Variants in POLD3 observed in about 807,000 individuals in gnomAD.
The protein encoded by POLD3 is DNA polymerase delta subunit 3.
Under a neutral mutation model 58.2 loss-of-function variants are expected in POLD3, and 19 were observed. That is an observed-to-expected ratio of 0.33 (90% CI 0.23 to 0.48). The LOEUF (loss-of-function observed/expected upper bound fraction) is 0.48. POLD3 is among the 20% of genes least tolerant of loss of function. POLD3 has a pLI of 0.99. For missense variants in POLD3, 504 were observed against 545.5 expected, an observed-to-expected ratio of 0.92 and a Z score of 0.76; for synonymous variants, 172 against 193.5, an observed-to-expected ratio of 0.89 and a Z score of 0.92.
intron 7 of POLD3, among the ~76,000 whole-genome samples, chr11:74,621,156 T>G (rs10899016): frequency 0.86 from 130,428 of 152,110 alleles, 56,436 homozygotes; most frequent in African/African-American, 0.97. Flanking sequence ...CAACCCACAG[T>G]CCACTGATGG....
chr11:74,642,605 C>T lies in POLD3; in HGVS notation c.*1839C>T, dbSNP rs1464470533. 1.0e-6 allele frequency: 1 copy of T among 984,858 alleles called. No homozygotes were observed. Among genetic ancestry groups the T allele is most frequent in the East Asian group, 1.1e-4 (1 of 8,814 alleles). 61.0% of individuals were successfully genotyped at this position (984,858 alleles called of 1,614,324 possible). ...TCCTATGATCTCTATGCCCAATATG[C>T]TGCCTCAACTCTGAGCTGTCTGCAA... On this transcript the variant is annotated 3_prime_UTR_variant, in exon 12 of 12. Transcript: ENST00000263681.
At chr11:74,639,464 T>G (rs754112054) in intron 11 of POLD3, among the ~76,000 whole-genome samples, 10 of 152,254 alleles carry the variant, frequency 6.6e-5, no homozygotes, top group Non-Finnish European at 1.2e-4. Context: ...ATTATGCATA[T>G]TAGGTTACGC....
downstream of POLD3, among the ~76,000 whole-genome samples, chr11:74,647,644 G>A (rs987045191): frequency 1.3e-5 from 2 of 152,186 alleles, no homozygotes; most frequent in African/African-American, 2.4e-5. Context: ...AACAACTATG[G>A]TGGCTACTGT....
At chr11:74,631,377 A>C (rs532791127) in intron 9 of POLD3, among the ~76,000 whole-genome samples, 3 of 152,090 alleles carry the variant, frequency 2.0e-5, no homozygotes, top group East Asian at 3.9e-4. Context: ...GGGGATTTTT[A>C]TCACAGATGG....
intron 9 of POLD3, among the ~76,000 whole-genome samples, chr11:74,631,111 G>A (rs1316628012): frequency 6.6e-6 from 1 of 152,160 alleles, no homozygotes; most frequent in Non-Finnish European, 1.5e-5. Context: ...TTGTATCAAA[G>A]CCAGTGGGAT....
chr11:74,607,083 CTTAAAGG>C, intron 3 of POLD3, among the ~76,000 whole-genome samples: 1 of 152,026 alleles, frequency 6.6e-6, no homozygotes, highest in East Asian at 1.9e-4. Flanking sequence ...CCTTTTTTCC[CTTAAAGG>C]GAATCCTCCT....
At chr11:74,609,538 G>A (rs966203380) in intron 3 of POLD3, among the ~76,000 whole-genome samples, 5 of 150,476 alleles carry the variant, frequency 3.3e-5, no homozygotes, top group African/African-American at 9.8e-5. Flanking sequence ...CCACCGCCAC[G>A]CCCTGCTAAT....
chr11:74,615,054 G>C (rs543869663), intron 5 of POLD3, among the ~76,000 whole-genome samples: 7 of 152,294 alleles, frequency 4.6e-5, no homozygotes, highest in African/African-American at 1.7e-4. Flanking sequence ...AGTAGATAGA[G>C]TTATCAGAGA....
chr11:74,611,315 AT>A (rs924210896), intron 3 of POLD3, among the ~76,000 whole-genome samples, 183 bp from the exon 4 acceptor site: 5 of 151,906 alleles, frequency 3.3e-5, no homozygotes, highest in African/African-American at 9.7e-5. Flanking sequence ...GCAAATTATT[AT>A]TTTTTTTCCT....
intron 2 of POLD3, among the ~76,000 whole-genome samples, chr11:74,598,332 A>G (rs1467026309): frequency 1.3e-5 from 2 of 152,048 alleles, no homozygotes; most frequent in African/African-American, 2.4e-5. Context: ...TTTATAATTC[A>G]TATTATTGTC....
intron 4 of POLD3, among the ~76,000 whole-genome samples, chr11:74,665,537 A>G (rs2033258398): frequency 6.6e-6 from 1 of 151,410 alleles, no homozygotes; most frequent in Admixed American, 6.6e-5. Context: ...AGTAGCTGCA[A>G]TTACAGGCAT....
intron 11 of POLD3, among the ~76,000 whole-genome samples, chr11:74,638,996 A>G (rs909937403): frequency 4.6e-5 from 7 of 152,238 alleles, no homozygotes; most frequent in African/African-American, 1.7e-4. Context: ...CTCTCTGGGA[A>G]GGGATTGTTG....
At chr11:74,630,644 G>A (rs966880033) in intron 9 of POLD3, among the ~76,000 whole-genome samples, 2 of 152,172 alleles carry the variant, frequency 1.3e-5, no homozygotes, top group Non-Finnish European at 2.9e-5. Context: ...CTGCTGAAAG[G>A]AACAACTCCA....
intron 4 of POLD3, among the ~76,000 whole-genome samples, chr11:74,668,105 T>A (rs1026784738): frequency 2.0e-5 from 3 of 152,246 alleles, no homozygotes; most frequent in Non-Finnish European, 4.4e-5. Context: ...TGGATAAATT[T>A]GGAACCTTCA....
exon 5 of POLD3, chr11:74,669,027 G>T (rs1231525537): frequency 3.0e-6 from 1 of 338,030 alleles, no homozygotes; most frequent in Non-Finnish European, 5.7e-6. Flanking sequence ...GAGAGCCTGG[G>T]TATTCAAATG....
intron 7 of POLD3, among the ~76,000 whole-genome samples, chr11:74,623,773 A>G (rs1453400452): frequency 6.6e-6 from 1 of 152,242 alleles, no homozygotes; most frequent in Non-Finnish European, 1.5e-5. Flanking sequence ...CAGCTAGAAG[A>G]TAGGTGACTT....
chr11:74,614,343 T>C (rs7120069), intron 5 of POLD3, among the ~76,000 whole-genome samples: 130,504 of 152,226 alleles, frequency 0.86, 56,461 homozygotes, highest in African/African-American at 0.97. Context: ...CAGGTGGATA[T>C]GACAGTTTTC....
At position 74,592,626 on chromosome 11, in the gene POLD3, G is replaced by C. The variant is rs762325658; in HGVS notation, c.-33G>C. The C allele has an allele frequency of 1.9e-6, 3 of 1,612,510 alleles. No homozygotes were observed. The highest frequency in any genetic ancestry group is 2.5e-6 in the Non-Finnish European group (3 of 1,179,298). ...GGGAGCTGTGGCTGTGATTGAGAGA[G>C]GGGTTAGAGGCGGGTCCCAGCGCTG... On this transcript the variant is annotated 5_prime_UTR_variant, in exon 1 of 12. Coordinates refer to ENST00000263681, the MANE Select transcript of POLD3 (RefSeq NM_006591.3).
intron 3 of POLD3, 51 bp from the exon 4 acceptor site, chr11:74,611,447 TA>T: frequency 8.8e-7 from 1 of 1,133,922 alleles, no homozygotes; most frequent in Admixed American, 1.8e-5. Context: ...GCAAGGAAAC[TA>T]AAATTGCAGA....
Sources: allele counts gnomAD v4.1 joint callset (sites outside exome capture counted in the v4.1 genomes callset), GRCh38; gene constraint gnomAD v4.1.1; transcripts MANE v1.5; gene names NCBI Gene and HGNC (gene_info 2026-07-23, HGNC 2026-07-21).